The following NALF1 variants were observed in gnomAD, a reference collection of about 807,000 sequenced individuals.
NALF1 encodes the protein NALCN channel auxiliary factor 1.
In NALF1, 3 loss-of-function variants were observed where a neutral mutation model predicts 48.4. That is an observed-to-expected ratio of 0.06 (90% confidence interval 0.03 to 0.16). The LOEUF (loss-of-function observed/expected upper bound fraction) is 0.16. Ranked by LOEUF, NALF1 falls within the 10% of genes least tolerant of loss-of-function variation. The pLI is 1.00. For missense variants in NALF1, 526 were observed against 571.5 expected, an observed-to-expected ratio of 0.92 and a Z score of 0.81; for synonymous variants, 262 against 245.7, an observed-to-expected ratio of 1.07 and a Z score of -0.62.
chr13:107,864,116 C>A (rs1566510444), intron 1 of NALF1, among the ~76,000 whole-genome samples: 2 of 152,132 alleles, frequency 1.3e-5, no homozygotes, highest in Non-Finnish European at 2.9e-5. Context: ...GCAATTATTG[C>A]AGTAGTTATT....
chr13:107,548,033 C>A (rs754214026), intron 1 of NALF1, among the ~76,000 whole-genome samples: 1 of 151,846 alleles, frequency 6.6e-6, no homozygotes, highest in Admixed American at 6.6e-5. Flanking sequence ...TAGGTGAACT[C>A]GTGTCACAGG....
intron 1 of NALF1, among the ~76,000 whole-genome samples, chr13:107,587,635 G>C (rs905717516): frequency 6.6e-6 from 1 of 152,104 alleles, no homozygotes; most frequent in Non-Finnish European, 1.5e-5. Context: ...TGAGGAAAAA[G>C]GGATTACCAG....
intron 1 of NALF1, among the ~76,000 whole-genome samples, chr13:107,551,189 G>A (rs1035094036): frequency 7.9e-5 from 12 of 152,062 alleles, no homozygotes; most frequent in Admixed American, 5.2e-4. Flanking sequence ...TTCTATGAAC[G>A]AAGACATCTG....
intron 1 of NALF1, among the ~76,000 whole-genome samples, chr13:107,573,468 A>G (rs1187712840): frequency 6.6e-6 from 1 of 152,088 alleles, no homozygotes; most frequent in Non-Finnish European, 1.5e-5. Flanking sequence ...CTTTTTACCA[A>G]TGTTCTCAGC....
chr13:107,594,484 T>G (rs1032020843), intron 1 of NALF1, among the ~76,000 whole-genome samples: 1 of 152,042 alleles, frequency 6.6e-6, no homozygotes, highest in Non-Finnish European at 1.5e-5. Context: ...TGTCCCTGTG[T>G]GCAGGTTCGC....
In NALF1 at chr13:107,633,684, A is replaced by G. The variant is rs571370916; in HGVS notation, c.915+231998T>C. Among the ~76,000 whole-genome samples, 7 of 149,046 alleles carry G rather than the reference A, an allele frequency of 4.7e-5. No homozygotes were observed. In the South Asian group the frequency reaches 1.5e-3, roughly 32 times the overall value. On this transcript the variant is annotated intron_variant, in intron 1 of 2. Coordinates refer to ENST00000375915, the MANE Select transcript of NALF1 (RefSeq NM_001080396.3). ...ATCCAGTTTTTTAACTTTATTATAC[A>G]TTTGTCCAATATTTTATTTTTCATA...
intron 1 of NALF1, among the ~76,000 whole-genome samples, chr13:107,819,860 C>T (rs554636677): frequency 2.6e-5 from 4 of 152,080 alleles, no homozygotes; most frequent in East Asian, 3.9e-4. Context: ...CTTGTAGTAG[C>T]GCTTGCCACT....
chr13:107,635,578 T>G (rs911721654), intron 1 of NALF1, among the ~76,000 whole-genome samples: 6 of 152,174 alleles, frequency 3.9e-5, no homozygotes, highest in African/African-American at 1.4e-4. Context: ...GTTCTCTGTA[T>G]GCAAGCCACT....
At chr13:107,582,175 G>C (rs972004358) in intron 1 of NALF1, among the ~76,000 whole-genome samples, 4 of 152,120 alleles carry the variant, frequency 2.6e-5, no homozygotes. Flanking sequence ...TACCATAAAT[G>C]ACATAAATCC....
In NALF1 at chr13:107,600,937, G is replaced by A. The variant is rs1023700651; in HGVS notation, c.915+264745C>T. On this transcript the variant is annotated intron_variant, in intron 1 of 2. Transcript: ENST00000375915. ...AGAAATGAGTTTGTGCTATTGGGTGGGTCAGGGCAATCCCAGAGGAAGTCC... is the reference window on the plus strand; with the variant it reads ...AGAAATGAGTTTGTGCTATTGGGTGAGTCAGGGCAATCCCAGAGGAAGTCC... Among the ~76,000 whole-genome samples the A allele has an allele frequency of 1.1e-4, 16 of 152,158 alleles. 1 individual carries two copies. Among genetic ancestry groups the A allele is most frequent in the Middle Eastern group, 3.2e-3 (1 of 316 alleles).
At chr13:107,181,052 A>G (rs1184726410) in intron 2 of NALF1, among the ~76,000 whole-genome samples, 1 of 151,582 alleles carries the variant, frequency 6.6e-6, no homozygotes, top group African/African-American at 2.4e-5. Flanking sequence ...TAATTTGTCT[A>G]GATTCTCTTC....
intron 1 of NALF1, among the ~76,000 whole-genome samples, chr13:107,647,274 C>T (rs952173727): frequency 6.6e-6 from 1 of 151,834 alleles, no homozygotes; most frequent in African/African-American, 2.4e-5. Flanking sequence ...TGAATAAATC[C>T]TGTCTCTTCC....
rs141152927 is a variant in NALF1, at chr13:107,821,197, CAAT to C, written c.915+44482_915+44484del. Among the ~76,000 whole-genome samples, 341 of 152,258 alleles carry C rather than the reference CAAT, an allele frequency of 2.2e-3. 2 individuals are homozygous for C. Among genetic ancestry groups the C allele is most frequent in the African/African-American group, 7.8e-3 (322 of 41,538 alleles). Reference sequence around the variant, plus strand: ...TTTACCATATTTTGCTTTATTACAACAATATTTAAAAGAAAGAGAATTGTCTAC... The same window carrying C: ...TTTACCATATTTTGCTTTATTACAACATTTAAAAGAAAGAGAATTGTCTAC... On this transcript the variant is annotated intron_variant, in intron 1 of 2. Coordinates refer to ENST00000375915, the MANE Select transcript of NALF1 (RefSeq NM_001080396.3).
intron 1 of NALF1, among the ~76,000 whole-genome samples, chr13:107,380,477 G>A (rs1472039830): frequency 2.6e-5 from 4 of 152,212 alleles, no homozygotes; most frequent in Admixed American, 1.3e-4. Context: ...AGAGTCACCC[G>A]AGTACTAAGT....
chr13:107,202,905 G>A (rs1410492955), intron 2 of NALF1, among the ~76,000 whole-genome samples: 6 of 152,176 alleles, frequency 3.9e-5, no homozygotes, highest in African/African-American at 1.2e-4. Context: ...GAAATGTGGA[G>A]CTATTCTTGT....
intron 1 of NALF1, among the ~76,000 whole-genome samples, chr13:107,298,351 CAAAAAAAAAA>C (rs1192707023): frequency 6.0e-4 from 10 of 16,626 alleles, no homozygotes; most frequent in South Asian, 0.013. Flanking sequence ...GACTCCATCT[CAAAAAAAAAA>C]AAAAAAAAAA....
At chr13:107,230,202 T>C (rs1880190633) in intron 1 of NALF1, among the ~76,000 whole-genome samples, 1 of 152,186 alleles carries the variant, frequency 6.6e-6, no homozygotes, top group Admixed American at 6.5e-5. Context: ...AAATTTCTGA[T>C]ATGCAACCAT....
chr13:107,447,809 G>A (rs764356014), intron 1 of NALF1, among the ~76,000 whole-genome samples: 6 of 152,114 alleles, frequency 3.9e-5, no homozygotes, highest in Non-Finnish European at 8.8e-5. Context: ...ATTCTTCCAA[G>A]TAGCCACGGA....
chr13:107,845,849 C>A (rs1286108864), intron 1 of NALF1, among the ~76,000 whole-genome samples: 1 of 152,138 alleles, frequency 6.6e-6, no homozygotes, highest in Non-Finnish European at 1.5e-5. Context: ...AATGCCACTA[C>A]TAAAGAATTA....
Sources: allele counts gnomAD v4.1 joint callset (sites outside exome capture counted in the v4.1 genomes callset), GRCh38; gene constraint gnomAD v4.1.1; transcripts MANE v1.5; gene names NCBI Gene and HGNC (gene_info 2026-07-23, HGNC 2026-07-21).